The following SKAP1 variants were observed in gnomAD, a reference collection of about 807,000 sequenced individuals.
SKAP1 encodes the protein src kinase associated phosphoprotein 1, also known as src kinase-associated phosphoprotein 1.
In SKAP1, 44 loss-of-function variants were observed where a neutral mutation model predicts 58.5. The ratio of observed to expected loss-of-function variants is 0.75; its 90% CI spans 0.59 to 0.97. The LOEUF (loss-of-function observed/expected upper bound fraction) is 0.97. Among genes scored for constraint, SKAP1 ranks in the 50% least tolerant of loss-of-function variants. The probability of loss-of-function intolerance (pLI) is 0.00; values close to 1 mark genes in which losing one functional copy is unlikely to be tolerated. For synonymous variants in SKAP1, 127 were observed against 149.7 expected, an observed-to-expected ratio of 0.85 and a Z score of 1.11; for missense variants, 390 against 435.2, an observed-to-expected ratio of 0.90 and a Z score of 0.92.
chr17:48,364,951 G>A (rs376234265), intron 2 of SKAP1, among the ~76,000 whole-genome samples: 4 of 151,720 alleles, frequency 2.6e-5, no homozygotes, highest in Non-Finnish European at 4.4e-5. Flanking sequence ...TGGCATGAAC[G>A]TCACTCACTG....
chr17:48,182,521 A>T, intron 7 of SKAP1, 64 bp from the exon 8 acceptor site: 1 of 1,188,460 alleles, frequency 8.4e-7, no homozygotes. Flanking sequence ...CTTGACAGGG[A>T]TGTCCAAGGG....
intron 11 of SKAP1, among the ~76,000 whole-genome samples, chr17:48,158,195 A>C (rs2064008949): frequency 7.2e-6 from 1 of 138,096 alleles, no homozygotes; most frequent in Admixed American, 7.1e-5. Context: ...AAAAAAAAAA[A>C]AAATGCGATA....
At position 48,405,430 on chromosome 17, in the gene SKAP1, TTTC is replaced by T. The variant is rs1448033881; in HGVS notation, c.47-8648_47-8646del. Among the ~76,000 whole-genome samples, 189 of 84,700 alleles carry T rather than the reference TTTC, an allele frequency of 2.2e-3. 1 individual carries two copies. The highest frequency in any genetic ancestry group is 4.1e-3 in the African/African-American group (87 of 21,356). 55.6% of individuals were successfully genotyped at this position (84,700 alleles called of 152,430 possible). On this transcript the variant is annotated intron_variant, in intron 1 of 12. Transcript: ENST00000336915. Reference sequence around the variant, plus strand: ...CTTTCTTTCTTTCTTTCTTTCTTTCTTTCTTTCTTTCTTTCTTTCTTTTCTTTC... The same window carrying T: ...CTTTCTTTCTTTCTTTCTTTCTTTCTTTTCTTTCTTTCTTTCTTTTCTTTC...
intron 11 of SKAP1, among the ~76,000 whole-genome samples, chr17:48,143,253 G>A (rs902491387): frequency 6.8e-6 from 1 of 146,246 alleles, no homozygotes; most frequent in Non-Finnish European, 1.5e-5. Flanking sequence ...GAAGTGCAGT[G>A]GCATGATCTC....
intron 1 of SKAP1, among the ~76,000 whole-genome samples, chr17:48,420,114 G>C (rs781636389): frequency 6.6e-6 from 1 of 152,162 alleles, no homozygotes; most frequent in Non-Finnish European, 1.5e-5. Flanking sequence ...AAACACAGGG[G>C]AAACAAATAT....
In SKAP1 at chr17:48,343,002, A is replaced by T. The variant is rs1021760189; in HGVS notation, c.280+2903T>A. Among the ~76,000 whole-genome samples, 12 of 152,156 alleles carry T rather than the reference A, an allele frequency of 7.9e-5. No homozygotes were observed. The East Asian group carries it at 1.3e-3, about 17-fold the overall frequency. ...TCTGTCTCAAAAAAAATAATAATAAAAAATAAAGAGGAATATTTTTTCTTC... is the reference window on the plus strand; with the variant it reads ...TCTGTCTCAAAAAAAATAATAATAATAAATAAAGAGGAATATTTTTTCTTC... On this transcript the variant is annotated intron_variant, in intron 4 of 12. Coordinates refer to ENST00000336915, the MANE Select transcript of SKAP1 (RefSeq NM_003726.4).
intron 4 of SKAP1, among the ~76,000 whole-genome samples, chr17:48,328,603 A>C (rs1042710697): frequency 3.3e-5 from 5 of 149,770 alleles, no homozygotes; most frequent in African/African-American, 1.2e-4. Context: ...GTGAATACTG[A>C]AAAAAAAAAG....
chr17:48,155,275 G>A (rs1051066607), intron 11 of SKAP1, among the ~76,000 whole-genome samples: 2 of 150,992 alleles, frequency 1.3e-5, no homozygotes, highest in Non-Finnish European at 1.5e-5. Context: ...CTACAGGCAC[G>A]CGCCACCATG....
intron 1 of SKAP1, among the ~76,000 whole-genome samples, chr17:48,407,935 G>GA (rs2067610206): frequency 6.6e-6 from 1 of 151,774 alleles, no homozygotes; most frequent in African/African-American, 2.4e-5. Flanking sequence ...AGAGGGGGGG[G>GA]AATCCAGTAA....
At chr17:48,384,631 G>C (rs949274077) in intron 2 of SKAP1, among the ~76,000 whole-genome samples, 1 of 152,182 alleles carries the variant, frequency 6.6e-6, no homozygotes, top group East Asian at 1.9e-4. Flanking sequence ...TCTATCAGAA[G>C]TCTTCTTACA....
At chr17:48,397,370 C>T (rs1482893429) in intron 1 of SKAP1, among the ~76,000 whole-genome samples, 2 of 152,228 alleles carry the variant, frequency 1.3e-5, no homozygotes, top group East Asian at 1.9e-4. Context: ...GGACTACAGG[C>T]GCATGCCGCC....
At chr17:48,346,148 A>C in intron 3 of SKAP1, 142 bp from the exon 4 acceptor site, 1 of 501,518 alleles carries the variant, frequency 2.0e-6, no homozygotes, top group East Asian at 3.5e-5. Flanking sequence ...GAACATGGCC[A>C]CTATCCATTA....
intron 1 of SKAP1, among the ~76,000 whole-genome samples, chr17:48,403,483 A>G (rs1210429067): frequency 6.6e-6 from 1 of 152,106 alleles, no homozygotes; most frequent in East Asian, 1.9e-4. Context: ...CAACACCTAC[A>G]CATATCCTTT....
At chr17:48,419,225 T>C (rs548244714) in intron 1 of SKAP1, among the ~76,000 whole-genome samples, 7 of 151,708 alleles carry the variant, frequency 4.6e-5, no homozygotes, top group African/African-American at 1.7e-4. Flanking sequence ...ATCAACCTAA[T>C]AGATGGATGA....
chr17:48,238,763 T>G (rs1046305503), intron 4 of SKAP1, among the ~76,000 whole-genome samples: 1 of 152,212 alleles, frequency 6.6e-6, no homozygotes, highest in Non-Finnish European at 1.5e-5. Flanking sequence ...ATCTTAGGCA[T>G]GGATATGGAG....
chr17:48,275,116 C>T (rs567973335), intron 4 of SKAP1, among the ~76,000 whole-genome samples: 32 of 152,324 alleles, frequency 2.1e-4, no homozygotes, highest in Non-Finnish European at 4.3e-4. Context: ...TACCAGACTT[C>T]CAGTAAAGCA....
chr17:48,153,700 G>C lies in SKAP1; in HGVS notation c.978+8769C>G, dbSNP rs117045792. Among the ~76,000 whole-genome samples, 616 of 151,956 alleles carry C rather than the reference G, an allele frequency of 4.1e-3. 5 individuals carry two copies. The highest frequency in any genetic ancestry group is 0.01 in the Middle Eastern group (3 of 294). Reference sequence around the variant, plus strand: ...GCATAATAGCTCTTTGACAGGCATTGATCAGTTTCATCACACTGTTTGGGC... The same window carrying C: ...GCATAATAGCTCTTTGACAGGCATTCATCAGTTTCATCACACTGTTTGGGC... On this transcript the variant is annotated intron_variant, in intron 11 of 12. Coordinates refer to ENST00000336915, the MANE Select transcript of SKAP1 (RefSeq NM_003726.4).
chr17:48,250,783 G>C (rs935325587), intron 4 of SKAP1, among the ~76,000 whole-genome samples: 1 of 152,066 alleles, frequency 6.6e-6, no homozygotes, highest in African/African-American at 2.4e-5. Flanking sequence ...CACACCTGCA[G>C]ATATATAGAG....
chr17:48,360,050 C>T (rs2066916878), intron 3 of SKAP1, among the ~76,000 whole-genome samples: 3 of 152,142 alleles, frequency 2.0e-5, no homozygotes, highest in Admixed American at 2.0e-4. Context: ...TTACACCACT[C>T]ATAGAGATAC....
Sources: allele counts gnomAD v4.1 joint callset (sites outside exome capture counted in the v4.1 genomes callset), GRCh38; gene constraint gnomAD v4.1.1; transcripts MANE v1.5; gene names NCBI Gene and HGNC (gene_info 2026-07-23, HGNC 2026-07-21).